SNTG1: variants seen among roughly 807,000 people sequenced by gnomAD.
SNTG1 encodes syntrophin gamma 1.
A neutral mutation model predicts 74.7 loss-of-function variants in SNTG1; 39 were observed. That is an observed-to-expected ratio of 0.52 (90% CI 0.40 to 0.68). SNTG1 has a LOEUF of 0.68. Among genes scored for constraint, SNTG1 ranks in the 30% least tolerant of loss-of-function variants. SNTG1 has a pLI of 0.00. For missense variants in SNTG1, 685 were observed against 609.5 expected, an observed-to-expected ratio of 1.12 and a Z score of -1.30; for synonymous variants, 254 against 217.1, an observed-to-expected ratio of 1.17 and a Z score of -1.49.
At chr8:50,626,607 A>G (rs368158103) in intron 13 of SNTG1, among the ~76,000 whole-genome samples, 1 of 152,212 alleles carries the variant, frequency 6.6e-6, no homozygotes, top group South Asian at 2.1e-4. Context: ...GGCCAAACAA[A>G]GGGATTGCCT....
intron 13 of SNTG1, among the ~76,000 whole-genome samples, chr8:50,631,299 C>T (rs573726451): frequency 6.6e-6 from 1 of 152,216 alleles, no homozygotes; most frequent in East Asian, 1.9e-4. Context: ...CCTCACAGCA[C>T]CATAAATGGG....
chr8:50,686,487 G>C (rs752949503), intron 15 of SNTG1, among the ~76,000 whole-genome samples: 29 of 152,240 alleles, frequency 1.9e-4, no homozygotes, highest in Admixed American at 3.9e-4. Context: ...TAAGAAGAAG[G>C]AGGAAATTTA....
At chr8:50,321,180 C>T (rs1333069965) in intron 2 of SNTG1, among the ~76,000 whole-genome samples, 1 of 152,022 alleles carries the variant, frequency 6.6e-6, no homozygotes, top group Non-Finnish European at 1.5e-5. Context: ...CTCTCCTTAG[C>T]TCTAATAATA....
intron 12 of SNTG1, among the ~76,000 whole-genome samples, chr8:50,555,826 T>A (rs1318989148): frequency 6.6e-6 from 1 of 152,168 alleles, no homozygotes; most frequent in Non-Finnish European, 1.5e-5. Context: ...GACATACATA[T>A]GTATATAAAC....
intron 9 of SNTG1, among the ~76,000 whole-genome samples, chr8:50,508,098 G>A (rs973648028): frequency 6.6e-6 from 1 of 151,634 alleles, no homozygotes; most frequent in East Asian, 1.9e-4. Context: ...GCTACGGTAT[G>A]TGATGTTCCC....
At chr8:50,304,751 A>G (rs1468848701) in intron 2 of SNTG1, among the ~76,000 whole-genome samples, 1 of 152,212 alleles carries the variant, frequency 6.6e-6, no homozygotes, top group South Asian at 2.1e-4. Flanking sequence ...TCTGTCTAAT[A>G]TAGCCATCAT....
chr8:50,053,610 T>G (rs1381924842), intron 1 of SNTG1, among the ~76,000 whole-genome samples: 2 of 142,788 alleles, frequency 1.4e-5, no homozygotes, highest in African/African-American at 2.6e-5. Context: ...TGCATATATA[T>G]AAATATATAT....
intron 4 of SNTG1, among the ~76,000 whole-genome samples, chr8:50,428,222 A>T (rs2093188624): frequency 2.0e-5 from 3 of 152,184 alleles, no homozygotes. Flanking sequence ...ATGCAGAAGG[A>T]TCTCTTTAGC....
At chr8:50,610,596 A>T (rs1301366822) in intron 13 of SNTG1, among the ~76,000 whole-genome samples, 1 of 152,166 alleles carries the variant, frequency 6.6e-6, no homozygotes, top group Non-Finnish European at 1.5e-5. Flanking sequence ...GTAAACTACC[A>T]AATTTGTTAT....
chr8:50,514,729 T>G (rs1169925468), intron 9 of SNTG1, among the ~76,000 whole-genome samples: 1 of 152,190 alleles, frequency 6.6e-6, no homozygotes, highest in Non-Finnish European at 1.5e-5. Context: ...GTTCTGTATA[T>G]GTGTTAAGCC....
intron 13 of SNTG1, among the ~76,000 whole-genome samples, chr8:50,647,363 A>G (rs1420016346): frequency 2.0e-5 from 3 of 152,124 alleles, no homozygotes; most frequent in Non-Finnish European, 4.4e-5. Context: ...AAACTCAACA[A>G]TTAGAAAGGA....
Position 50,654,998 on chromosome 8 carries a change from C to T in SNTG1, c.850-1911C>T, listed in dbSNP as rs147666185. On this transcript the variant is annotated intron_variant, in intron 13 of 18. Transcript: ENST00000642720. ...AGCTGATTCTCTCATGTGACATTTC[C>T]GTGTAGAAAGCACACCTATGGCAAA... 5.6e-3 allele frequency among the ~76,000 whole-genome samples: 846 copies of T among 152,234 alleles called. 4 individuals are homozygous for T. Among genetic ancestry groups the T allele is most frequent in the African/African-American group, 0.02 (816 of 41,544 alleles).
chr8:50,782,473 A>G (rs897382724), intron 18 of SNTG1, among the ~76,000 whole-genome samples: 6 of 152,008 alleles, frequency 3.9e-5, no homozygotes, highest in African/African-American at 1.5e-4. Flanking sequence ...CATCACTGAT[A>G]CTCTTTCTTC....
intron 1 of SNTG1, among the ~76,000 whole-genome samples, chr8:49,935,202 A>AGTGTGTGTGTGTGT (rs140067006): frequency 3.0e-5 from 4 of 133,768 alleles, no homozygotes; most frequent in African/African-American, 1.1e-4. Flanking sequence ...GCCAAGCAGA[A>AGTGTGTGTGTGTGT]GTGTGTGTGT....
chr8:50,108,815 A>G (rs1444188893), intron 1 of SNTG1, among the ~76,000 whole-genome samples: 1 of 152,150 alleles, frequency 6.6e-6, no homozygotes, highest in Non-Finnish European at 1.5e-5. Flanking sequence ...TACATTGCTC[A>G]AGGAACCTTA....
chr8:50,559,769 C>A (rs1317780160), intron 12 of SNTG1, among the ~76,000 whole-genome samples: 1 of 152,066 alleles, frequency 6.6e-6, no homozygotes, highest in Non-Finnish European at 1.5e-5. Context: ...AACTAAAAAA[C>A]CCTAAAAGAA....
intron 2 of SNTG1, among the ~76,000 whole-genome samples, chr8:50,174,146 G>A (rs764782779): frequency 1.1e-4 from 17 of 152,268 alleles, no homozygotes; most frequent in South Asian, 6.2e-4. Flanking sequence ...CTTCATCCAC[G>A]TCCCTGCAAA....
rs191116392 is a variant in SNTG1, at chr8:50,511,429, G to T, written c.466+8549G>T. ...GGAGAGTTCTGTAGATGTCTATTAGGTCTGCTTGGTGCAGAGCTGAGTTCA... is the reference window on the plus strand; with the variant it reads ...GGAGAGTTCTGTAGATGTCTATTAGTTCTGCTTGGTGCAGAGCTGAGTTCA... On this transcript the variant is annotated intron_variant, in intron 9 of 18. Coordinates refer to ENST00000642720, the MANE Select transcript of SNTG1 (RefSeq NM_018967.5). Among the ~76,000 whole-genome samples the T allele has an allele frequency of 2.4e-3, 362 of 152,290 alleles. 6 individuals are homozygous for T. Among genetic ancestry groups the T allele is most frequent in the Non-Finnish European group, 4.9e-4 (33 of 68,032 alleles).
chr8:50,595,522 A>G (rs2094721472), intron 13 of SNTG1, among the ~76,000 whole-genome samples: 1 of 152,078 alleles, frequency 6.6e-6, no homozygotes, highest in Non-Finnish European at 1.5e-5. Flanking sequence ...GTGTTATTCA[A>G]ATAATAGAAA....
Sources: allele counts gnomAD v4.1 joint callset (sites outside exome capture counted in the v4.1 genomes callset), GRCh38; gene constraint gnomAD v4.1.1; transcripts MANE v1.5; gene names NCBI Gene and HGNC (gene_info 2026-07-23, HGNC 2026-07-21).